The following ASTN1 variants were observed in gnomAD, a reference collection of about 807,000 sequenced individuals.
The protein encoded by ASTN1 is astrotactin-1.
ASTN1 carries 41 observed loss-of-function variants against 140.7 expected under a neutral mutation model. The observed-to-expected ratio is 0.29, with a 90% CI of 0.23 to 0.38. The LOEUF (loss-of-function observed/expected upper bound fraction) is 0.38. Ranked by LOEUF, ASTN1 falls within the 10% of genes least tolerant of loss-of-function variation. The probability of loss-of-function intolerance (pLI) is 1.00; values close to 1 mark genes in which losing one functional copy is unlikely to be tolerated. For synonymous variants in ASTN1, 640 were observed against 652.2 expected, an observed-to-expected ratio of 0.98 and a Z score of 0.29; for missense variants, 1,479 against 1,678.8, an observed-to-expected ratio of 0.88 and a Z score of 2.08.
At chr1:177,076,312 AAAAG>A (rs1462692400) in intron 1 of ASTN1, among the ~76,000 whole-genome samples, 20 of 150,928 alleles carry the variant, frequency 1.3e-4, no homozygotes, top group African/African-American at 4.8e-4. Flanking sequence ...AAGAAAAAGA[AAAAG>A]AAAAGAAAGA....
chr1:177,163,722 A>G (rs775613400), intron 1 of ASTN1, among the ~76,000 whole-genome samples: 9 of 152,192 alleles, frequency 5.9e-5, no homozygotes, highest in Non-Finnish European at 1.0e-4. Context: ...AATATCTTTA[A>G]CCAACTGTGA....
intron 5 of ASTN1, 47 bp from the exon 6 acceptor site, chr1:177,024,779 A>G (rs996959234): frequency 1.3e-6 from 2 of 1,588,632 alleles, no homozygotes; most frequent in Middle Eastern, 1.7e-4. Flanking sequence ...AAAGCTTGGC[A>G]TTGAGAGTCC....
intron 8 of ASTN1, among the ~76,000 whole-genome samples, chr1:176,989,082 G>A (rs1674040336): frequency 6.6e-6 from 1 of 152,182 alleles, no homozygotes; most frequent in South Asian, 2.1e-4. Context: ...CTGAAACCCA[G>A]GAGTAAAAAG....
At chr1:176,884,617 G>T in intron 18 of ASTN1, 127 bp from the exon 19 acceptor site, 1 of 1,027,702 alleles carries the variant, frequency 9.7e-7, no homozygotes, top group South Asian at 2.0e-5. Context: ...TCTCTTTGAG[G>T]GCCTGTCTCT....
At chr1:177,056,172 G>A (rs2102023104) in intron 2 of ASTN1, among the ~76,000 whole-genome samples, 1 of 152,298 alleles carries the variant, frequency 6.6e-6, no homozygotes, top group East Asian at 1.9e-4. Flanking sequence ...TCCCATAGGT[G>A]TCTTCTGTGG....
rs113367241 is a variant in ASTN1 at position 177,083,444 on chromosome 1, T to A, written c.284-22179A>T. On this transcript the variant is annotated intron_variant, in intron 1 of 22. Transcript: ENST00000361833. ...TGTGCCAAATCAGGTCATGCGCCATTGAGAAAAAAAAATGCTTCATCTCAT... is the reference window on the plus strand; with the variant it reads ...TGTGCCAAATCAGGTCATGCGCCATAGAGAAAAAAAAATGCTTCATCTCAT... 3.1e-3 allele frequency among the ~76,000 whole-genome samples: 468 copies of A among 151,752 alleles called. 5 individuals carry two copies. Among genetic ancestry groups the A allele is most frequent in the Non-Finnish European group, 4.1e-3 (279 of 67,880 alleles).
At chr1:177,143,560 T>C (rs1375545704) in intron 1 of ASTN1, among the ~76,000 whole-genome samples, 1 of 152,214 alleles carries the variant, frequency 6.6e-6, no homozygotes, top group African/African-American at 2.4e-5. Flanking sequence ...CACACATTTA[T>C]GTTGACAGAG....
intron 8 of ASTN1, among the ~76,000 whole-genome samples, chr1:176,974,769 A>G (rs901007196): frequency 6.6e-6 from 1 of 152,226 alleles, no homozygotes; most frequent in African/African-American, 2.4e-5. Context: ...CTAGATTTGG[A>G]AACTCAAGGG....
chr1:176,877,221 T>C (rs975153335), intron 20 of ASTN1, among the ~76,000 whole-genome samples: 2 of 152,196 alleles, frequency 1.3e-5, no homozygotes, highest in Non-Finnish European at 1.5e-5. Context: ...TGTACAGAAA[T>C]ACCTGAAAGA....
chr1:176,933,340 C>T (rs1427546391), intron 16 of ASTN1, among the ~76,000 whole-genome samples: 1 of 152,196 alleles, frequency 6.6e-6, no homozygotes, highest in Non-Finnish European at 1.5e-5. Context: ...TAAGATGGCC[C>T]ATTTCTTGAG....
chr1:177,002,037 T>G (rs934341513), intron 8 of ASTN1, among the ~76,000 whole-genome samples: 2 of 152,182 alleles, frequency 1.3e-5, no homozygotes, highest in African/African-American at 4.8e-5. Flanking sequence ...TAATGCAGTC[T>G]TAGGGCCTTG....
intron 2 of ASTN1, among the ~76,000 whole-genome samples, chr1:177,049,320 A>G (rs1677415512): frequency 6.6e-6 from 1 of 152,226 alleles, no homozygotes; most frequent in African/African-American, 2.4e-5. Context: ...TGTATAAAAT[A>G]CTATTTGCCT....
At chr1:176,927,618 A>G (rs1671027160) in intron 16 of ASTN1, among the ~76,000 whole-genome samples, 1 of 152,208 alleles carries the variant, frequency 6.6e-6, no homozygotes, top group African/African-American at 2.4e-5. Context: ...AAGAAAATAT[A>G]AAGGATCCAT....
intron 1 of ASTN1, among the ~76,000 whole-genome samples, chr1:177,144,253 A>ATT (rs753935228): frequency 7.2e-5 from 10 of 138,030 alleles, no homozygotes; most frequent in African/African-American, 1.1e-4. Flanking sequence ...GAACTCAATG[A>ATT]TTTTTTTTTT....
At chr1:177,128,869 A>G (rs1441233826) in intron 1 of ASTN1, among the ~76,000 whole-genome samples, 2 of 152,216 alleles carry the variant, frequency 1.3e-5, no homozygotes, top group Non-Finnish European at 2.9e-5. Flanking sequence ...CACTCTGTAT[A>G]TGACATGAGC....
intron 1 of ASTN1, among the ~76,000 whole-genome samples, chr1:177,104,883 C>T (rs1680478853): frequency 1.3e-5 from 2 of 152,228 alleles, no homozygotes; most frequent in Non-Finnish European, 2.9e-5. Context: ...TGTGAAATCA[C>T]AGTCCTCTGG....
chr1:176,896,015 G>C (rs1669486203), intron 16 of ASTN1, among the ~76,000 whole-genome samples: 1 of 152,142 alleles, frequency 6.6e-6, no homozygotes, highest in South Asian at 2.1e-4. Context: ...GCACTGGTTG[G>C]AAGGATTTTT....
chr1:177,149,023 G>GATAT (rs143970091), intron 1 of ASTN1, among the ~76,000 whole-genome samples: 43 of 130,758 alleles, frequency 3.3e-4, no homozygotes, highest in Non-Finnish European at 5.4e-4. Context: ...AGAGGAAGGA[G>GATAT]ATATATATAT....
At chr1:176,880,008 T>G (rs944686820) in intron 20 of ASTN1, among the ~76,000 whole-genome samples, 4 of 152,182 alleles carry the variant, frequency 2.6e-5, no homozygotes, top group Non-Finnish European at 5.9e-5. Context: ...TTTCTACCAC[T>G]GAACACTCAG....
Sources: allele counts gnomAD v4.1 joint callset (sites outside exome capture counted in the v4.1 genomes callset), GRCh38; gene constraint gnomAD v4.1.1; transcripts MANE v1.5; gene names NCBI Gene and HGNC (gene_info 2026-07-23, HGNC 2026-07-21).